Variants in ADSS2 observed in about 807,000 individuals in gnomAD.
ADSS2 encodes adenylosuccinate synthase 2.
A neutral mutation model predicts 60.0 loss-of-function variants in ADSS2; 30 were observed. The ratio of observed to expected loss-of-function variants is 0.50; its 90% CI spans 0.37 to 0.68. The LOEUF (loss-of-function observed/expected upper bound fraction) is 0.68, where lower values mean the gene tolerates loss of function less well. Among genes scored for constraint, ADSS2 ranks in the 30% least tolerant of loss-of-function variants. The probability of loss-of-function intolerance (pLI) is 0.00; values close to 1 mark genes in which losing one functional copy is unlikely to be tolerated. For synonymous variants in ADSS2, 187 were observed against 193.1 expected (o/e 0.97, Z 0.26); for missense variants, 373 against 554.8 (o/e 0.67, Z 3.29).
At chr1:244,410,963 T>C (rs1664398792) in intron 12 of ADSS2, among the ~76,000 whole-genome samples, 1 of 152,172 alleles carries the variant, frequency 6.6e-6, no homozygotes, top group African/African-American at 2.4e-5. Context: ...TGCTGGCTCA[T>C]GCCTGTAATC....
chr1:244,411,898 T>G (rs1664426342), intron 11 of ADSS2, among the ~76,000 whole-genome samples: 1 of 152,206 alleles, frequency 6.6e-6, no homozygotes, highest in African/African-American at 2.4e-5. Context: ...TCTACGTATT[T>G]TCTCTGTATC....
At chr1:244,409,963 C>A (rs1456414416) in intron 12 of ADSS2, among the ~76,000 whole-genome samples, 1 of 152,182 alleles carries the variant, frequency 6.6e-6, no homozygotes, top group Admixed American at 6.5e-5. Flanking sequence ...TGATAACAGG[C>A]CAAGATAAGC....
chr1:244,445,241 G>A (rs761637308), intron 1 of ADSS2, among the ~76,000 whole-genome samples: 2 of 152,048 alleles, frequency 1.3e-5, no homozygotes, highest in Non-Finnish European at 2.9e-5. Context: ...TCCATTGCTT[G>A]CAAACAAAGA....
intron 4 of ADSS2, among the ~76,000 whole-genome samples, chr1:244,432,334 C>T (rs1209734842): frequency 1.3e-5 from 2 of 151,880 alleles, no homozygotes; most frequent in Non-Finnish European, 2.9e-5. Flanking sequence ...ATTTGCTTAG[C>T]TAACCTTTTT....
intron 3 of ADSS2, 65 bp from the exon 4 acceptor site, chr1:244,432,660 C>CTTTTTTTTTTT (rs532312490): frequency 1.3e-4 from 51 of 387,280 alleles, no homozygotes; most frequent in African/African-American, 2.8e-4. Flanking sequence ...ATCTTAATTT[C>CTTTTTTTTTTT]TTTTTTTTTT....
At position 244,451,262 on chromosome 1, in the gene ADSS2, C is replaced by T. The variant is rs1025134976; in HGVS notation, c.183+373G>A. 6.6e-6 allele frequency among the ~76,000 whole-genome samples: 1 copy of T among 152,166 alleles called. No individual in the cohort carries two copies. The highest frequency in any genetic ancestry group is 1.5e-5 in the Non-Finnish European group (1 of 68,020). ...CGCCCGCAGTCGGAAGAGTTGGGAG[C>T]AGGCCTCGGGCGGTAGCTCCTCAAA... On this transcript the variant is annotated intron_variant, in intron 1 of 12. Transcript: ENST00000366535. This position sits in a 1 kb window ranked among gnomAD's most constrained non-coding sequence, Gnocchi z 6.6.
At position 244,408,631 on chromosome 1, in the gene ADSS2, C is replaced by T. The variant is rs1664338010; in HGVS notation, c.*955G>A. Reference sequence around the variant, plus strand: ...ATGTTATGCCTAATTGTCAAAATAACACCTTTTTTTTTTCAAGAAAGGAGA... The same window carrying T: ...ATGTTATGCCTAATTGTCAAAATAATACCTTTTTTTTTTCAAGAAAGGAGA... On this transcript the variant is annotated 3_prime_UTR_variant, in exon 13 of 13. Coordinates refer to ENST00000366535, the MANE Select transcript of ADSS2 (RefSeq NM_001126.5). The T allele has an allele frequency of 6.8e-6, 1 of 147,948 alleles. No homozygotes were observed. The highest frequency in any genetic ancestry group is 6.9e-5 in the Admixed American group (1 of 14,536). 9.2% of individuals were successfully genotyped at this position (147,948 alleles called of 1,614,324 possible).
chr1:244,432,248 A>G (rs985779659), intron 4 of ADSS2, among the ~76,000 whole-genome samples: 2 of 152,216 alleles, frequency 1.3e-5, no homozygotes, highest in Non-Finnish European at 2.9e-5. Context: ...ATACAAATAA[A>G]TGTTCTTTGC....
chr1:244,428,600 G>T (rs1664861838), intron 4 of ADSS2, among the ~76,000 whole-genome samples: 1 of 151,322 alleles, frequency 6.6e-6, no homozygotes, highest in Non-Finnish European at 1.5e-5. Flanking sequence ...ACAAAAACGA[G>T]CAAATTTAAA....
At chr1:244,425,706 T>C (rs890473758) in intron 4 of ADSS2, among the ~76,000 whole-genome samples, 3 of 152,166 alleles carry the variant, frequency 2.0e-5, no homozygotes, top group African/African-American at 7.2e-5. Flanking sequence ...TGATCAAAGG[T>C]TTCCCTGGTG....
chr1:244,415,336 T>C (rs887776946), intron 11 of ADSS2, among the ~76,000 whole-genome samples: 1 of 152,242 alleles, frequency 6.6e-6, no homozygotes, highest in Admixed American at 6.5e-5. Flanking sequence ...TTTTATAAGA[T>C]ATCTAGACTC....
Position 244,436,906 on chromosome 1 carries a change from C to T in ADSS2, c.287-13G>A, listed in dbSNP as rs1665115923. Reference sequence around the variant, plus strand: ...ACCACACCATTTCCTAAAGGAAAACCAACAAATCCCAACGGTAAACATCTA... The same window carrying T: ...ACCACACCATTTCCTAAAGGAAAACTAACAAATCCCAACGGTAAACATCTA... On this transcript the variant is annotated splice_polypyrimidine_tract_variant and intron_variant, in intron 2 of 12. Transcript: ENST00000366535. 1 of 1,602,146 alleles carries T rather than the reference C, an allele frequency of 6.2e-7. No homozygotes were observed. The highest frequency in any genetic ancestry group is 1.7e-5 in the Admixed American group (1 of 59,436).
chr1:244,433,331 T>G (rs1182286799), intron 3 of ADSS2, among the ~76,000 whole-genome samples: 4 of 151,944 alleles, frequency 2.6e-5, no homozygotes, highest in Non-Finnish European at 4.4e-5. Flanking sequence ...CTAACAAGAG[T>G]TTTCTCACAT....
chr1:244,435,442 C>T (rs1261925906), intron 3 of ADSS2, among the ~76,000 whole-genome samples: 2 of 152,088 alleles, frequency 1.3e-5, no homozygotes, highest in East Asian at 1.9e-4. Context: ...TTCATATACA[C>T]CTTACATATC....
intron 1 of ADSS2, among the ~76,000 whole-genome samples, chr1:244,447,988 C>G (rs528646726): frequency 1.3e-5 from 2 of 152,160 alleles, no homozygotes; most frequent in Non-Finnish European, 2.9e-5. Context: ...AGTAACCAAA[C>G]AGAACAAGAT....
intron 3 of ADSS2, among the ~76,000 whole-genome samples, chr1:244,433,161 A>G (rs895775037): frequency 2.0e-5 from 3 of 152,068 alleles, no homozygotes; most frequent in African/African-American, 7.2e-5. Context: ...ACTTGAACCC[A>G]GGAGGCAGAG....
chr1:244,436,772 A>G, intron 3 of ADSS2, 53 bp downstream of exon 3: 1 of 1,484,270 alleles, frequency 6.7e-7, no homozygotes, highest in South Asian at 1.2e-5. Context: ...ATAAGATCCT[A>G]ATAAAACTTT....
At chr1:244,438,806 GC>G (rs1424248283) in intron 1 of ADSS2, among the ~76,000 whole-genome samples, 1 of 151,614 alleles carries the variant, frequency 6.6e-6, no homozygotes, top group Non-Finnish European at 1.5e-5. Flanking sequence ...TTTATGTGTT[GC>G]ATGAGATATT....
At chr1:244,440,571 A>G (rs953928357) in intron 1 of ADSS2, among the ~76,000 whole-genome samples, 2 of 152,106 alleles carry the variant, frequency 1.3e-5, no homozygotes, top group Non-Finnish European at 2.9e-5. Context: ...TTTACTATTT[A>G]TTTTTTTAAT....
Sources: allele counts gnomAD v4.1 joint callset (sites outside exome capture counted in the v4.1 genomes callset), GRCh38; gene constraint gnomAD v4.1.1; non-coding constraint Gnocchi (gnomAD v3.1); transcripts MANE v1.5; gene names NCBI Gene and HGNC (gene_info 2026-07-23, HGNC 2026-07-21).